PIP5K1B: variants seen among roughly 807,000 people sequenced by gnomAD.
PIP5K1B encodes the protein phosphatidylinositol 4-phosphate 5-kinase type-1 beta.
Under a neutral mutation model 67.0 loss-of-function variants are expected in PIP5K1B, and 42 were observed. The ratio of observed to expected loss-of-function variants is 0.63; its 90% CI spans 0.49 to 0.81. PIP5K1B has a LOEUF of 0.81. Ranked by LOEUF, PIP5K1B falls within the 30% of genes least tolerant of loss-of-function variation. The probability of loss-of-function intolerance (pLI) is 0.00; values close to 1 mark genes in which losing one functional copy is unlikely to be tolerated. For synonymous variants in PIP5K1B, 214 were observed against 231.4 expected (o/e 0.92, Z 0.68); for missense variants, 459 against 646.3 (o/e 0.71, Z 3.14).
rs1437020790 is a variant in PIP5K1B, at chr9:68,705,326, C to G, written c.-679C>G. On this transcript the variant is annotated 5_prime_UTR_variant, in exon 1 of 16. Transcript: ENST00000265382. ...GGGCGCCGCTGCTGCTCCTCTCGGT[C>G]CCCGGTTCCCGGTCCCCGAACGCGC... 1 of 151,432 alleles carries G rather than the reference C, an allele frequency of 6.6e-6. No homozygotes were observed. Among genetic ancestry groups the G allele is most frequent in the Non-Finnish European group, 1.5e-5 (1 of 67,696 alleles). The allele number at this position is 151,432 out of a possible 1,614,324, so 9.4% of individuals were successfully genotyped here. A position where few individuals can be genotyped will look rare whatever the true frequency, so the allele number is the denominator to read the frequency against.
At chr9:68,735,316 C>CTGTTTTTTTTTTTTTTTT (rs1828673824) in intron 1 of PIP5K1B, among the ~76,000 whole-genome samples, 1 of 29,768 alleles carries the variant, frequency 3.4e-5, no homozygotes, top group Non-Finnish European at 6.1e-5. Flanking sequence ...CCCCTAGTGT[C>CTGTTTTTTTTTTTTTTTT]TTTTTTTTTT....
chr9:68,810,693 G>A (rs780715845), intron 2 of PIP5K1B, among the ~76,000 whole-genome samples: 3 of 152,026 alleles, frequency 2.0e-5, no homozygotes, highest in African/African-American at 4.8e-5. Flanking sequence ...CTCACATATG[G>A]CCCCCAGGCA....
At chr9:68,954,029 C>T (rs745657796) in intron 14 of PIP5K1B, among the ~76,000 whole-genome samples, 30 of 151,930 alleles carry the variant, frequency 2.0e-4, no homozygotes, top group Non-Finnish European at 2.9e-4. Context: ...TTTCTTTTAC[C>T]TCAATTGCTT....
rs557308361 is a variant in PIP5K1B, at chr9:68,715,716, T to C, written c.-243+9954T>C. On this transcript the variant is annotated intron_variant, in intron 1 of 15. Coordinates refer to ENST00000265382, the MANE Select transcript of PIP5K1B (RefSeq NM_003558.4). ...TGAATAAGTAAATGAATACCAATAC[T>C]TCTACCTTAAAAAAATCCTTTTCGT... Among the ~76,000 whole-genome samples, 6 of 152,280 alleles carry C rather than the reference T, an allele frequency of 3.9e-5. No homozygotes were observed. In the South Asian group the frequency reaches 6.2e-4, roughly 16 times the overall value.
chr9:68,770,746 C>T (rs1311234948), intron 2 of PIP5K1B, among the ~76,000 whole-genome samples: 2 of 152,126 alleles, frequency 1.3e-5, no homozygotes, highest in Non-Finnish European at 2.9e-5. Flanking sequence ...TAGAAGATCC[C>T]CCTTCCACTG....
At chr9:68,766,793 CA>C (rs1355013516) in intron 2 of PIP5K1B, among the ~76,000 whole-genome samples, 6 of 151,790 alleles carry the variant, frequency 4.0e-5, no homozygotes, top group Non-Finnish European at 8.8e-5. Context: ...TATCAGATAT[CA>C]AAAAGGAGAA....
intron 1 of PIP5K1B, among the ~76,000 whole-genome samples, chr9:68,741,806 A>G (rs1335504619): frequency 2.0e-5 from 3 of 151,448 alleles, no homozygotes; most frequent in Non-Finnish European, 2.9e-5. Context: ...TTTCTCCTCC[A>G]TGGGCCCGTT....
chr9:68,823,506 A>G (rs1478484055), intron 4 of PIP5K1B, among the ~76,000 whole-genome samples: 1 of 152,180 alleles, frequency 6.6e-6, no homozygotes, highest in Non-Finnish European at 1.5e-5. Context: ...CTCAGATTTT[A>G]TGTCTTCAGC....
chr9:68,738,270 G>T (rs1222622331), intron 1 of PIP5K1B, among the ~76,000 whole-genome samples: 1 of 152,162 alleles, frequency 6.6e-6, no homozygotes, highest in Admixed American at 6.5e-5. Flanking sequence ...TTCTAAAATT[G>T]AGGTTGTATT....
chr9:68,829,044 G>A (rs1834143559), intron 4 of PIP5K1B, among the ~76,000 whole-genome samples: 1 of 152,260 alleles, frequency 6.6e-6, no homozygotes, highest in East Asian at 1.9e-4. Context: ...AGAGGTTGCA[G>A]TGAGCCGAGA....
intron 14 of PIP5K1B, among the ~76,000 whole-genome samples, chr9:68,983,906 A>G (rs1829995900): frequency 6.6e-6 from 1 of 152,138 alleles, no homozygotes; most frequent in South Asian, 2.1e-4. Flanking sequence ...TTTTAAAAAG[A>G]AACACCAGGC....
intron 1 of PIP5K1B, among the ~76,000 whole-genome samples, chr9:68,712,126 A>G (rs1827421498): frequency 6.6e-6 from 1 of 152,118 alleles, no homozygotes; most frequent in Admixed American, 6.6e-5. Context: ...GGCTTAGTAC[A>G]CTCCCCATGG....
intron 4 of PIP5K1B, among the ~76,000 whole-genome samples, chr9:68,844,275 T>C (rs1004659873): frequency 6.6e-6 from 1 of 152,156 alleles, no homozygotes; most frequent in Non-Finnish European, 1.5e-5. Context: ...GGCAGATAGG[T>C]TAGCGTTGTT....
chr9:69,005,787 C>T (rs900150722), intron 15 of PIP5K1B, among the ~76,000 whole-genome samples: 1 of 152,214 alleles, frequency 6.6e-6, no homozygotes, highest in Non-Finnish European at 1.5e-5. Flanking sequence ...CTTCTGGGTG[C>T]TGGGTCAGGA....
Position 68,783,361 on chromosome 9 carries a change from A to G in PIP5K1B, c.-85-35100A>G, listed in dbSNP as rs146520243. 4.1e-3 allele frequency: 691 copies of G among 167,016 alleles called. 2 individuals are homozygous for G. The highest frequency in any genetic ancestry group is 6.9e-3 in the Non-Finnish European group (467 of 68,110). 10.3% of individuals were successfully genotyped at this position (167,016 alleles called of 1,614,324 possible). On this transcript the variant is annotated intron_variant, in intron 2 of 15. Coordinates refer to ENST00000265382, the MANE Select transcript of PIP5K1B (RefSeq NM_003558.4). ...TTTCTTGTGTCTGTTCTTTGGGATAATTCCTATCCTTTTCAGGGAGGCAAA... is the reference window on the plus strand; with the variant it reads ...TTTCTTGTGTCTGTTCTTTGGGATAGTTCCTATCCTTTTCAGGGAGGCAAA...
chr9:68,798,479 G>T (rs1832413985), intron 2 of PIP5K1B, among the ~76,000 whole-genome samples: 1 of 152,158 alleles, frequency 6.6e-6, no homozygotes. Context: ...ATGTTAGGAA[G>T]GAAATAAACA....
At chr9:68,967,678 T>C (rs557011047) in intron 14 of PIP5K1B, among the ~76,000 whole-genome samples, 1 of 152,270 alleles carries the variant, frequency 6.6e-6, no homozygotes, top group South Asian at 2.1e-4. Flanking sequence ...CGCCATGCTT[T>C]CATCAAGCTT....
intron 14 of PIP5K1B, among the ~76,000 whole-genome samples, chr9:68,955,741 T>C (rs1828353872): frequency 6.6e-6 from 1 of 152,248 alleles, no homozygotes; most frequent in Non-Finnish European, 1.5e-5. Flanking sequence ...AGCACTTTTA[T>C]AGTAATATTT....
chr9:68,956,948 G>A (rs150160264), intron 14 of PIP5K1B, among the ~76,000 whole-genome samples: 64 of 152,194 alleles, frequency 4.2e-4, no homozygotes, highest in African/African-American at 1.3e-3. Context: ...AAATATTACC[G>A]CCCACTGTGA....
Sources: gnomAD v4.1 joint callset for allele counts (sites outside exome capture counted in the v4.1 genomes callset) on GRCh38, gnomAD v4.1.1 for gene constraint, MANE v1.5 for transcripts, NCBI Gene and HGNC (gene_info 2026-07-23, HGNC 2026-07-21) for gene names.